Variants in SLC2A4 observed in about 807,000 individuals in gnomAD.
The protein encoded by SLC2A4 is solute carrier family 2, facilitated glucose transporter member 4.
Under a neutral mutation model 53.3 loss-of-function variants are expected in SLC2A4, and 31 were observed. The observed-to-expected ratio is 0.58, with a 90% confidence interval of 0.44 to 0.78. SLC2A4 has a LOEUF of 0.78. Ranked by LOEUF, SLC2A4 falls within the 30% of genes least tolerant of loss-of-function variation. The pLI is 0.00. For synonymous variants in SLC2A4, 276 were observed against 281.9 expected, an observed-to-expected ratio of 0.98 and a Z score of 0.21; for missense variants, 538 against 655.7, an observed-to-expected ratio of 0.82 and a Z score of 1.96.
At position 7,285,333 on chromosome 17, in the gene SLC2A4, T is replaced by C; in HGVS notation, c.1122+144T>C. 1.3e-6 allele frequency: 1 copy of C among 769,342 alleles called. No homozygotes were observed. Among genetic ancestry groups the C allele is most frequent in the African/African-American group, 1.7e-5 (1 of 58,366 alleles). The allele number at this position is 769,342 out of a possible 1,614,324, so 47.7% of individuals were successfully genotyped here. On this transcript the variant is annotated intron_variant, in intron 9 of 10. Transcript: ENST00000317370. This position sits in a 1 kb window ranked among gnomAD's most constrained non-coding sequence, Gnocchi z 6.0. Reference sequence around the variant, plus strand: ...CGGACCAGGACTGGGGCTGACTGGCTCCAGAATCTGCTGGGATTGTGGTCT... The same window carrying C: ...CGGACCAGGACTGGGGCTGACTGGCCCCAGAATCTGCTGGGATTGTGGTCT...
In SLC2A4 at chr17:7,283,983, C is replaced by T; in HGVS notation, c.458C>T (p.Ser153Leu). ...TTCTTCCCTCGCCCAGGGCTGACAT[C>T]AGGGCTGGTGCCCATGTACGTGGGG... Reference protein sequence around the residue: ...FLIGAYSGLTSGLVPMYVGEI... With the variant: ...FLIGAYSGLTLGLVPMYVGEI... The change falls in exon 5 of 11, where the codon TCA (serine) becomes TTA (leucine). Residue 153 changes from serine (S) to leucine (L), a missense_variant. By Grantham distance (145) the Ser-to-Leu change is moderately radical. Transcript: ENST00000317370. The surrounding 1 kb of genome is among the most constrained non-coding windows in gnomAD (Gnocchi z 5.8). The T allele has an allele frequency of 6.2e-7, 1 of 1,613,642 alleles. No individual in the cohort carries two copies. The highest frequency in any genetic ancestry group is 8.5e-7 in the Non-Finnish European group (1 of 1,179,764).
At position 7,284,132 on chromosome 17, in the gene SLC2A4, G is replaced by C. The variant is rs368723603; in HGVS notation, c.564+43G>C. 67 of 1,611,082 alleles carry C rather than the reference G, an allele frequency of 4.2e-5. No homozygotes were observed. The highest frequency in any genetic ancestry group is 5.1e-5 in the Non-Finnish European group (60 of 1,178,162). On this transcript the variant is annotated intron_variant, in intron 5 of 10. Coordinates refer to ENST00000317370, the MANE Select transcript of SLC2A4 (RefSeq NM_001042.3). The surrounding 1 kb of genome is among the most constrained non-coding windows in gnomAD (Gnocchi z 7.5). The stretch of plus-strand genomic sequence containing the variant: ...CATGGGTGCCTGGGCAGTGGTTAGA[G>C]TGGGGCTCTGGAGAATATGGTGGGC...
chr17:7,286,371 T>A, intron 10 of SLC2A4, 55 bp from the exon 11 acceptor site: 1 of 1,536,478 alleles, frequency 6.5e-7, no homozygotes, highest in Non-Finnish European at 9.0e-7. Context: ...TGCCTGAAAC[T>A]ACCCCTTCCC....
In SLC2A4 at chr17:7,282,106, G is replaced by C; in HGVS notation, c.33+139G>C. The C allele has an allele frequency of 1.3e-6, 1 of 745,576 alleles. No individual in the cohort carries two copies. Among genetic ancestry groups the C allele is most frequent in the Non-Finnish European group, 2.3e-6 (1 of 426,802 alleles). The allele number at this position is 745,576 out of a possible 1,614,324, so 46.2% of individuals were successfully genotyped here. ...GGTAGGGGGCTGGCTATTTATACCC[G>C]GCCTGGACAACCCGTGACTGTGAGA... On this transcript the variant is annotated intron_variant, in intron 1 of 10. Transcript: ENST00000317370. The surrounding 1 kb of genome is among the most constrained non-coding windows in gnomAD (Gnocchi z 4.1).
At position 7,283,051 on chromosome 17, in the gene SLC2A4, T is replaced by C. The variant is rs967857636; in HGVS notation, c.34-194T>C. On this transcript the variant is annotated intron_variant, in intron 1 of 10. Coordinates refer to ENST00000317370, the MANE Select transcript of SLC2A4 (RefSeq NM_001042.3). The surrounding 1 kb of genome is among the most constrained non-coding windows in gnomAD (Gnocchi z 5.8). ...GGACCCAAACATCCAGTTTCTCCTTTATGCCCAGGTTGCAGTTCAGCTCCT... is the reference window on the plus strand; with the variant it reads ...GGACCCAAACATCCAGTTTCTCCTTCATGCCCAGGTTGCAGTTCAGCTCCT... 1.3e-4 allele frequency: 85 copies of C among 667,754 alleles called. No individual in the cohort carries two copies. In the Middle Eastern group the frequency reaches 3.6e-3, roughly 28 times the overall value. 41.4% of individuals were successfully genotyped at this position (667,754 alleles called of 1,614,324 possible).
In SLC2A4 at chr17:7,282,423, C is replaced by A; in HGVS notation, c.33+456C>A. The A allele has an allele frequency of 2.2e-6, 1 of 457,928 alleles. No homozygotes were observed. The highest frequency in any genetic ancestry group is 1.5e-5 in the South Asian group (1 of 64,562). The allele number at this position is 457,928 out of a possible 1,614,324, so 28.4% of individuals were successfully genotyped here. A position where few individuals can be genotyped will look rare whatever the true frequency, so the allele number is the denominator to read the frequency against. ...TCCAGGACGCTGAACTTTCCCTTGGCCCCATGGTTGGTGGAGGGGCAGAGG... is the reference window on the plus strand; with the variant it reads ...TCCAGGACGCTGAACTTTCCCTTGGACCCATGGTTGGTGGAGGGGCAGAGG... On this transcript the variant is annotated intron_variant, in intron 1 of 10. Transcript: ENST00000317370. This position sits in a 1 kb window ranked among gnomAD's most constrained non-coding sequence, Gnocchi z 4.1.
rs375934415 is a variant in SLC2A4 at position 7,285,863 on chromosome 17, C to T, written c.1281C>T (p.Asn427=). Residue 427 remains asparagine (N), a synonymous_variant, in exon 10 of 11, where the codon AAC becomes AAT. Transcript: ENST00000317370. This position sits in a 1 kb window ranked among gnomAD's most constrained non-coding sequence, Gnocchi z 6.0. Reference sequence around the variant, plus strand: ...CCATGGCTGTGGCTGGTTTCTCCAACTGGACGAGCAACTTCATCATTGGCA... The same window carrying T: ...CCATGGCTGTGGCTGGTTTCTCCAATTGGACGAGCAACTTCATCATTGGCA... ...PAAMAVAGFS[N]WTSNFIIGMG... The T allele has an allele frequency of 1.4e-5, 23 of 1,614,114 alleles. No individual in the cohort carries two copies. Among genetic ancestry groups the T allele is most frequent in the Non-Finnish European group, 1.8e-5 (21 of 1,180,046 alleles).
In SLC2A4 at chr17:7,282,065, A is replaced by G; in HGVS notation, c.33+98A>G. ...GGTCAGCTGGGGGTGGTTCCTGCGC[A>G]GGCGCAGGGGGTGAAGGTAGGGGGC... is the stretch of plus-strand genomic sequence containing the variant. On this transcript the variant is annotated intron_variant, in intron 1 of 10. Transcript: ENST00000317370. The surrounding 1 kb of genome is among the most constrained non-coding windows in gnomAD (Gnocchi z 4.1). 2.0e-6 allele frequency: 2 copies of G among 990,370 alleles called. No individual in the cohort carries two copies. Among genetic ancestry groups the G allele is most frequent in the South Asian group, 1.4e-5 (1 of 73,244 alleles). 61.3% of individuals were successfully genotyped at this position (990,370 alleles called of 1,614,324 possible).
At position 7,282,084 on chromosome 17, in the gene SLC2A4, A is replaced by G. The variant is rs1265764700; in HGVS notation, c.33+117A>G. ...CTGCGCAGGCGCAGGGGGTGAAGGT[A>G]GGGGGCTGGCTATTTATACCCGGCC... On this transcript the variant is annotated intron_variant, in intron 1 of 10. Transcript: ENST00000317370. This position sits in a 1 kb window ranked among gnomAD's most constrained non-coding sequence, Gnocchi z 4.1. 2.4e-6 allele frequency: 2 copies of G among 839,232 alleles called. No individual in the cohort carries two copies. Among genetic ancestry groups the G allele is most frequent in the Non-Finnish European group, 4.0e-6 (2 of 505,438 alleles). 52.0% of individuals were successfully genotyped at this position (839,232 alleles called of 1,614,324 possible). A position where few individuals can be genotyped will look rare whatever the true frequency, so the allele number is the denominator to read the frequency against.
At position 7,284,888 on chromosome 17, in the gene SLC2A4, C is replaced by A. The variant is rs758386369; in HGVS notation, c.969C>A (p.Ala323=). The change falls in exon 8 of 11, where the codon GCC becomes GCA. Residue 323 remains alanine, a synonymous_variant. Transcript: ENST00000317370. This position sits in a 1 kb window ranked among gnomAD's most constrained non-coding sequence, Gnocchi z 7.5. ...AGACAGCAGGGGTAGGCCAGCCTGC[C>A]TATGCCACCATAGGAGCTGGTGTGG... ...IFETAGVGQP[A]YATIGAGVVN... 1 of 1,614,216 alleles carries A rather than the reference C, an allele frequency of 6.2e-7. No individual in the cohort carries two copies. Among genetic ancestry groups the A allele is most frequent in the South Asian group, 1.1e-5 (1 of 91,082 alleles).
At position 7,287,909 on chromosome 17, in the gene SLC2A4, C is replaced by T. The variant is rs1417064422; in HGVS notation, c.*1280C>T. 1 of 152,246 alleles carries T rather than the reference C, an allele frequency of 6.6e-6. No individual in the cohort carries two copies. The highest frequency in any genetic ancestry group is 1.9e-4 in the East Asian group (1 of 5,196). 9.4% of individuals were successfully genotyped at this position (152,246 alleles called of 1,614,324 possible). The stretch of plus-strand genomic sequence containing the variant: ...TCTTCACCCCTCTTCCTCCCTCTGT[C>T]CTGCCTCAGCTCAAGGCCTCAGAAT... On this transcript the variant is annotated 3_prime_UTR_variant, in exon 11 of 11. Transcript: ENST00000317370.
In SLC2A4 at chr17:7,286,699, C is replaced by A; in HGVS notation, c.*70C>A. ...AGAGACCCCTTCCTTTCCTCTGCAG[C>A]ACTTTAACCCTCTCTTCCCTATTAT... On this transcript the variant is annotated 3_prime_UTR_variant, in exon 11 of 11. Coordinates refer to ENST00000317370, the MANE Select transcript of SLC2A4 (RefSeq NM_001042.3). 7.7e-7 allele frequency: 1 copy of A among 1,293,474 alleles called. No individual in the cohort carries two copies. Among genetic ancestry groups the A allele is most frequent in the African/African-American group, 1.5e-5 (1 of 68,618 alleles). 80.1% of individuals were successfully genotyped at this position (1,293,474 alleles called of 1,614,324 possible). A position where few individuals can be genotyped will look rare whatever the true frequency, so the allele number is the denominator to read the frequency against.
rs967534780 is a variant in SLC2A4 at position 7,282,699 on chromosome 17, G to C, written c.34-546G>C. ...TGTCCTTTCTGGAACAGCACTTCTT[G>C]GTCCTGTTGGGGGCCTCCTGGAGCT... On this transcript the variant is annotated intron_variant, in intron 1 of 10. Transcript: ENST00000317370. The surrounding 1 kb of genome is among the most constrained non-coding windows in gnomAD (Gnocchi z 4.1). Among the ~76,000 whole-genome samples the C allele has an allele frequency of 6.6e-6, 1 of 152,260 alleles. No homozygotes were observed.
rs770011181 is a variant in SLC2A4, at chr17:7,284,827, A to G, written c.916-8A>G. 11 of 1,614,028 alleles carry G rather than the reference A, an allele frequency of 6.8e-6. No homozygotes were observed. In the South Asian group the frequency reaches 1.2e-4, roughly 18 times the overall value. On this transcript the variant is annotated splice_region_variant and splice_polypyrimidine_tract_variant and intron_variant, in intron 7 of 10. Transcript: ENST00000317370. This position sits in a 1 kb window ranked among gnomAD's most constrained non-coding sequence, Gnocchi z 7.5. ...CTGCCATCACTTCTTCTTCTCCCCC[A>G]CCTCTAGGTTTTCTATTATTCGACC... is the stretch of plus-strand genomic sequence containing the variant.
At position 7,281,961 on chromosome 17, in the gene SLC2A4, C is replaced by G. The variant is rs762128658; in HGVS notation, c.27C>G (p.Gly9=). 1.3e-6 allele frequency: 2 copies of G among 1,599,578 alleles called. No individual in the cohort carries two copies. Among genetic ancestry groups the G allele is most frequent in the Non-Finnish European group, 1.7e-6 (2 of 1,169,874 alleles). Reference sequence around the variant, plus strand: ...TGCCGTCGGGCTTCCAACAGATAGGCTCCGAAGTAGGATTCATCATGAGGG... The same window carrying G: ...TGCCGTCGGGCTTCCAACAGATAGGGTCCGAAGTAGGATTCATCATGAGGG... MPSGFQQI[G]SEDGEPPQQR... is the part of the protein sequence containing the mutation. Residue 9 remains glycine, a synonymous_variant, in exon 1 of 11, where the codon GGC becomes GGG. Coordinates refer to ENST00000317370, the MANE Select transcript of SLC2A4 (RefSeq NM_001042.3).
Position 7,286,477 on chromosome 17 carries a change from T to G in SLC2A4, c.1378T>G (p.Phe460Val). The G allele has an allele frequency of 6.2e-7, 1 of 1,614,196 alleles. No individual in the cohort carries two copies. Among genetic ancestry groups the G allele is most frequent in the East Asian group, 2.2e-5 (1 of 44,878 alleles). The change falls in exon 11 of 11, where the codon TTC (phenylalanine) becomes GTC (valine). Residue 460 changes from phenylalanine to valine, a missense_variant. Transcript: ENST00000317370. ...TCTATTTGCGGTCCTCCTGCTGGGC[T>G]TCTTCATCTTCACCTTCTTAAGAGT... Reference protein sequence around the residue: ...FLLFAVLLLGFFIFTFLRVPE... With the variant: ...FLLFAVLLLGVFIFTFLRVPE...
chr17:7,284,465 C>T lies in SLC2A4; in HGVS notation c.728-20C>T, dbSNP rs1406626498. The T allele has an allele frequency of 1.2e-6, 2 of 1,614,236 alleles. No individual in the cohort carries two copies. The highest frequency in any genetic ancestry group is 3.3e-5 in the Admixed American group (2 of 60,032). On this transcript the variant is annotated intron_variant, in intron 6 of 10. Coordinates refer to ENST00000317370, the MANE Select transcript of SLC2A4 (RefSeq NM_001042.3). This position sits in a 1 kb window ranked among gnomAD's most constrained non-coding sequence, Gnocchi z 7.5. ...TGGCTTCCTCTCAGGTCCCCTCAGG[C>T]CTGACCTTCCCTTCTCCAGGTCTGA... is the stretch of plus-strand genomic sequence containing the variant.
At position 7,283,235 on chromosome 17, in the gene SLC2A4, G is replaced by C. The variant is rs1273533434; in HGVS notation, c.34-10G>C. ...TGTGACATGCTGTGTCTTTGTGTCT[G>C]CCTGTTCAGGATGGGGAACCCCCTC... On this transcript the variant is annotated splice_polypyrimidine_tract_variant and intron_variant, in intron 1 of 10. Transcript: ENST00000317370. This position sits in a 1 kb window ranked among gnomAD's most constrained non-coding sequence, Gnocchi z 5.8. The C allele has an allele frequency of 6.2e-6, 10 of 1,606,006 alleles. No individual in the cohort carries two copies. The highest frequency in any genetic ancestry group is 8.5e-6 in the Non-Finnish European group (10 of 1,172,636).
chr17:7,287,437 C>T lies in SLC2A4; in HGVS notation c.*808C>T, dbSNP rs1009411210. Reference sequence around the variant, plus strand: ...CCGCGCCTGGCGAAGGGAGTTCTCTCTTGACCCCTGCAGGGAAAAGGACTC... The same window carrying T: ...CCGCGCCTGGCGAAGGGAGTTCTCTTTTGACCCCTGCAGGGAAAAGGACTC... On this transcript the variant is annotated 3_prime_UTR_variant, in exon 11 of 11. Transcript: ENST00000317370. 2.0e-5 allele frequency: 3 copies of T among 152,408 alleles called. No homozygotes were observed. The highest frequency in any genetic ancestry group is 4.4e-5 in the Non-Finnish European group (3 of 68,200). The allele number at this position is 152,408 out of a possible 1,614,324, so 9.4% of individuals were successfully genotyped here.
Sources: allele counts gnomAD v4.1 joint callset (sites outside exome capture counted in the v4.1 genomes callset), GRCh38; gene constraint gnomAD v4.1.1; non-coding constraint Gnocchi (gnomAD v3.1); transcripts MANE v1.5; gene names NCBI Gene and HGNC (gene_info 2026-07-23, HGNC 2026-07-21).